The following ERC2 variants were observed in gnomAD, a reference collection of about 807,000 sequenced individuals.
ERC2 encodes the protein ELKS/RAB6-interacting/CAST family member 2, also known as ERC protein 2.
ERC2 carries 42 observed loss-of-function variants against 114.8 expected under a neutral mutation model. That is an observed-to-expected ratio of 0.37 (90% confidence interval 0.29 to 0.47). ERC2 has a LOEUF of 0.47. Among genes scored for constraint, ERC2 ranks in the 20% least tolerant of loss-of-function variants. The probability of loss-of-function intolerance (pLI) is 0.99; values close to 1 mark genes in which losing one functional copy is unlikely to be tolerated. For synonymous variants in ERC2, 454 were observed against 425.5 expected, an observed-to-expected ratio of 1.07 and a Z score of -0.82; for missense variants, 939 against 1,150.7, an observed-to-expected ratio of 0.82 and a Z score of 2.66.
chr3:56,343,543 A>G (rs1481927345), intron 2 of ERC2, among the ~76,000 whole-genome samples: 1 of 152,118 alleles, frequency 6.6e-6, no homozygotes, highest in African/African-American at 2.4e-5. Context: ...TCTTGAGCCC[A>G]AGAGTTTAAG....
chr3:55,796,384 C>T (rs1243389290), intron 14 of ERC2, among the ~76,000 whole-genome samples: 1 of 152,138 alleles, frequency 6.6e-6, no homozygotes, highest in African/African-American at 2.4e-5. Flanking sequence ...GATCAGAAGT[C>T]GAGGAATTAC....
At chr3:55,770,053 G>T (rs1433334378) in intron 14 of ERC2, among the ~76,000 whole-genome samples, 2 of 152,182 alleles carry the variant, frequency 1.3e-5, no homozygotes, top group Non-Finnish European at 2.9e-5. Flanking sequence ...GGATATAAGA[G>T]AAAGTAATGC....
intron 12 of ERC2, among the ~76,000 whole-genome samples, chr3:55,955,872 G>A (rs542200154): frequency 6.6e-5 from 10 of 152,310 alleles, no homozygotes; most frequent in African/African-American, 2.2e-4. Context: ...GACTGCCTGG[G>A]CTCCCATCAG....
chr3:55,988,737 T>C (rs1225425828), intron 11 of ERC2, among the ~76,000 whole-genome samples: 1 of 152,242 alleles, frequency 6.6e-6, no homozygotes, highest in Non-Finnish European at 1.5e-5. Context: ...AGTTCAATTT[T>C]TGGTTTTCAA....
chr3:56,377,846 T>A, intron 2 of ERC2, among the ~76,000 whole-genome samples: 1 of 148,562 alleles, frequency 6.7e-6, no homozygotes. Flanking sequence ...AGAGAAACCC[T>A]ATCTCCAAAA....
At chr3:55,749,575 T>C (rs2066531706) in intron 14 of ERC2, among the ~76,000 whole-genome samples, 1 of 152,120 alleles carries the variant, frequency 6.6e-6, no homozygotes, top group South Asian at 2.1e-4. Context: ...AATGCACCAA[T>C]CAGCGCTCTA....
At chr3:55,644,163 C>G (rs2060300818) in intron 17 of ERC2, among the ~76,000 whole-genome samples, 2 of 152,126 alleles carry the variant, frequency 1.3e-5, no homozygotes, top group African/African-American at 2.4e-5. Flanking sequence ...CAGCAAGTCA[C>G]TGAAGTCCCA....
At chr3:55,821,404 T>A (rs982717895) in intron 14 of ERC2, among the ~76,000 whole-genome samples, 14 of 152,224 alleles carry the variant, frequency 9.2e-5, no homozygotes, top group African/African-American at 3.1e-4. Flanking sequence ...AATCGCTAGA[T>A]GTGAAGGGGC....
intron 13 of ERC2, among the ~76,000 whole-genome samples, chr3:55,921,426 A>G (rs2065422600): frequency 6.6e-6 from 1 of 152,102 alleles, no homozygotes. Context: ...GTATTCCCAC[A>G]TGTATCAGTC....
chr3:55,798,681 C>G (rs2070725556), intron 14 of ERC2, among the ~76,000 whole-genome samples: 1 of 150,830 alleles, frequency 6.6e-6, no homozygotes, highest in African/African-American at 2.4e-5. Context: ...TCCACAGCAA[C>G]AGTGGAAGCC....
At chr3:56,239,421 G>A (rs2051176463) in intron 3 of ERC2, among the ~76,000 whole-genome samples, 1 of 152,140 alleles carries the variant, frequency 6.6e-6, no homozygotes, top group South Asian at 2.1e-4. Context: ...CAGGAGAATT[G>A]CTTGAACCCA....
intron 2 of ERC2, among the ~76,000 whole-genome samples, chr3:56,384,950 AATG>A (rs2059882561): frequency 6.6e-6 from 1 of 152,092 alleles, no homozygotes; most frequent in South Asian, 2.1e-4. Context: ...TCCTTTCCCT[AATG>A]AATGGTCTTA....
At chr3:56,446,890 G>A (rs1176679181) in intron 1 of ERC2, among the ~76,000 whole-genome samples, 2 of 151,886 alleles carry the variant, frequency 1.3e-5, no homozygotes, top group Non-Finnish European at 2.9e-5. Context: ...GCCTCCCAAA[G>A]TGCTGGGATT....
chr3:55,719,004 A>G (rs750624145), intron 15 of ERC2, among the ~76,000 whole-genome samples: 61 of 152,214 alleles, frequency 4.0e-4, no homozygotes, highest in Non-Finnish European at 8.2e-4. Flanking sequence ...TGAAGAAACA[A>G]AAGAAAAATT....
intron 14 of ERC2, among the ~76,000 whole-genome samples, chr3:55,764,563 T>C (rs11914340): frequency 0.027 from 4,134 of 152,334 alleles, 89 homozygotes; most frequent in Non-Finnish European, 0.036. Flanking sequence ...GCTCTTATTT[T>C]GCTCATCAAA....
intron 14 of ERC2, among the ~76,000 whole-genome samples, chr3:55,831,698 T>A (rs888441345): frequency 1.3e-5 from 2 of 152,036 alleles, no homozygotes; most frequent in African/African-American, 4.8e-5. Flanking sequence ...GATGGGTGAT[T>A]TCTGCATTTC....
At position 56,339,854 on chromosome 3, in the gene ERC2, C is replaced by T. The variant is rs188976760; in HGVS notation, c.658-43419G>A. Among the ~76,000 whole-genome samples, 312 of 152,282 alleles carry T rather than the reference C, an allele frequency of 2.0e-3. 1 individual carries two copies. The highest frequency in any genetic ancestry group is 2.5e-3 in the Non-Finnish European group (172 of 68,032). On this transcript the variant is annotated intron_variant, in intron 2 of 17. Transcript: ENST00000288221. ...GTCTTGAAAGCTGGATCTAATCCTGCTCTCCCACTACCAGGCCTTGGACCC... is the reference window on the plus strand; with the variant it reads ...GTCTTGAAAGCTGGATCTAATCCTGTTCTCCCACTACCAGGCCTTGGACCC...
chr3:55,518,760 G>A (rs980787770), intron 17 of ERC2, among the ~76,000 whole-genome samples: 2 of 152,134 alleles, frequency 1.3e-5, no homozygotes, highest in African/African-American at 2.4e-5. Context: ...TAACTGTGGC[G>A]CCCTGGTGGC....
chr3:55,805,917 T>C (rs2059469551), intron 14 of ERC2, among the ~76,000 whole-genome samples: 1 of 152,070 alleles, frequency 6.6e-6, no homozygotes, highest in Non-Finnish European at 1.5e-5. Context: ...CTGGGGAAAA[T>C]GTTCTGAAAT....
Sources: gnomAD v4.1 joint callset for allele counts (sites outside exome capture counted in the v4.1 genomes callset) on GRCh38, gnomAD v4.1.1 for gene constraint, MANE v1.5 for transcripts, NCBI Gene and HGNC (gene_info 2026-07-23, HGNC 2026-07-21) for gene names.